ACTR3C: variants seen among roughly 807,000 people sequenced by gnomAD.
ACTR3C encodes the protein actin-related protein 3C.
Under a neutral mutation model 26.3 loss-of-function variants are expected in ACTR3C, and 18 were observed. That is an observed-to-expected ratio of 0.68 (90% CI 0.47 to 1.01). The LOEUF (loss-of-function observed/expected upper bound fraction) is 1.01, where lower values mean the gene tolerates loss of function less well. Among genes scored for constraint, ACTR3C ranks in the 50% least tolerant of loss-of-function variants. The probability of loss-of-function intolerance (pLI) is 0.00; values close to 1 mark genes in which losing one functional copy is unlikely to be tolerated. For missense variants in ACTR3C, 184 were observed against 250.7 expected (o/e 0.73, Z 1.80); for synonymous variants, 55 against 94.5 (o/e 0.58, Z 2.42).
chr7:149,959,035 C>G, the ACTR3C span, among the ~76,000 whole-genome samples: 1 of 152,208 alleles, frequency 6.6e-6, no homozygotes, highest in South Asian at 2.1e-4. Flanking sequence ...TCCCTGCATA[C>G]CACAGTCATT....
At chr7:149,900,111 T>A in the ACTR3C span, among the ~76,000 whole-genome samples, 1 of 149,532 alleles carries the variant, frequency 6.7e-6, no homozygotes, top group Non-Finnish European at 1.5e-5. Flanking sequence ...GCACACCTAC[T>A]TCAAAAGAAT....
intron 6 of ACTR3C, among the ~76,000 whole-genome samples, chr7:150,250,278 A>T (rs1832749626): frequency 7.1e-6 from 1 of 140,502 alleles, no homozygotes; most frequent in Non-Finnish European, 1.5e-5. Context: ...ATCTCGGCTC[A>T]CTGCAAGCTC....
the ACTR3C span, among the ~76,000 whole-genome samples, chr7:150,138,509 A>G: frequency 1.3e-5 from 2 of 152,200 alleles, no homozygotes; most frequent in African/African-American, 4.8e-5. Context: ...CCAGTGCTTT[A>G]CTTTTGGAGA....
the ACTR3C span, among the ~76,000 whole-genome samples, chr7:150,191,781 C>T: frequency 6.6e-6 from 1 of 152,098 alleles, no homozygotes; most frequent in African/African-American, 2.4e-5. Flanking sequence ...ACTAGGACTT[C>T]TAGTATGATG....
chr7:150,269,304 G>C (rs952461339), intron 6 of ACTR3C, among the ~76,000 whole-genome samples: 4 of 138,172 alleles, frequency 2.9e-5, no homozygotes, highest in Non-Finnish European at 1.5e-5. Context: ...AGGGCGTTCG[G>C]AGCCCTTCAC....
the ACTR3C span, among the ~76,000 whole-genome samples, chr7:150,229,941 G>A: frequency 6.6e-6 from 1 of 151,632 alleles, no homozygotes. Flanking sequence ...ATTTTCTAAT[G>A]AGGCCGGGCA....
the ACTR3C span, among the ~76,000 whole-genome samples, chr7:150,087,432 A>C: frequency 6.6e-6 from 1 of 152,194 alleles, no homozygotes; most frequent in Non-Finnish European, 1.5e-5. Context: ...ACAACTAGGG[A>C]AAATATAGAA....
chr7:150,115,425 G>A, the ACTR3C span, among the ~76,000 whole-genome samples: 3 of 152,348 alleles, frequency 2.0e-5, no homozygotes, highest in African/African-American at 7.2e-5. Context: ...GTCCCACTGT[G>A]AGTAAAGCTA....
the ACTR3C span, among the ~76,000 whole-genome samples, chr7:149,897,565 G>A: frequency 6.6e-6 from 1 of 152,160 alleles, no homozygotes; most frequent in South Asian, 2.1e-4. Flanking sequence ...TAACAACACA[G>A]CTATAAGAGT....
the ACTR3C span, among the ~76,000 whole-genome samples, chr7:149,895,474 G>T: frequency 6.6e-6 from 1 of 152,090 alleles, no homozygotes; most frequent in Non-Finnish European, 1.5e-5. Context: ...AATGTATATA[G>T]ACTTCAAAAC....
At chr7:150,200,251 T>C in the ACTR3C span, among the ~76,000 whole-genome samples, 313 of 152,296 alleles carry the variant, frequency 2.1e-3, 1 homozygote, top group African/African-American at 7.0e-3. Flanking sequence ...ATTAGATTCA[T>C]AGAATTGGGG....
chr7:150,041,376 C>CAT, the ACTR3C span: 1 of 128,610 alleles, frequency 7.8e-6, no homozygotes, highest in South Asian at 2.5e-4. Context: ...CGTTCGGACC[C>CAT]GTCTGATCGT....
chr7:150,080,521 GTGTGTA>G, the ACTR3C span, among the ~76,000 whole-genome samples: 250 of 138,068 alleles, frequency 1.8e-3, no homozygotes, highest in African/African-American at 6.9e-3. Context: ...GAGTGTTTGT[GTGTGTA>G]TGTGTGTGTG....
chr7:150,198,464 G>A, the ACTR3C span, among the ~76,000 whole-genome samples: 2 of 125,520 alleles, frequency 1.6e-5, no homozygotes, highest in East Asian at 2.4e-4. Flanking sequence ...GCCGCCCATC[G>A]TCTGAGATGT....
At chr7:149,940,728 G>A in the ACTR3C span, among the ~76,000 whole-genome samples, 55 of 137,054 alleles carry the variant, frequency 4.0e-4, no homozygotes, top group Admixed American at 8.3e-4. Flanking sequence ...CCTAGGATTG[G>A]TGCCTATCTG....
the ACTR3C span, among the ~76,000 whole-genome samples, chr7:149,910,268 G>A: frequency 6.6e-6 from 1 of 151,806 alleles, no homozygotes; most frequent in East Asian, 1.9e-4. Context: ...AAAATGTCAT[G>A]GCATATGTCT....
chr7:150,301,377 C>A (rs185175188), intron 1 of ACTR3C, among the ~76,000 whole-genome samples: 3 of 152,164 alleles, frequency 2.0e-5, no homozygotes, highest in African/African-American at 4.8e-5. Flanking sequence ...GAAGACATCA[C>A]CAACAAGAAT....
chr7:149,896,655 T>C, the ACTR3C span, among the ~76,000 whole-genome samples: 5 of 151,712 alleles, frequency 3.3e-5, no homozygotes, highest in Admixed American at 6.5e-5. Flanking sequence ...TAAAAGTATA[T>C]ACATAACAAC....
At chr7:149,928,381 CT>C in the ACTR3C span, among the ~76,000 whole-genome samples, 90,343 of 106,804 alleles carry the variant, frequency 0.85, 39,338 homozygotes, top group Non-Finnish European at 0.96. Flanking sequence ...TTTTGTATTT[CT>C]TTTTTTTTTT....
Sources: gnomAD v4.1 joint callset for allele counts (sites outside exome capture counted in the v4.1 genomes callset) on GRCh38, gnomAD v4.1.1 for gene constraint, MANE v1.5 for transcripts, NCBI Gene and HGNC (gene_info 2026-07-23, HGNC 2026-07-21) for gene names.